PBX3: variants seen among roughly 807,000 people sequenced by gnomAD.
The protein encoded by PBX3 is PBX homeobox 3.
PBX3 carries 14 observed loss-of-function variants against 48.5 expected under a neutral mutation model. That is an observed-to-expected ratio of 0.29 (90% CI 0.19 to 0.45). PBX3 has a LOEUF of 0.45. Among genes scored for constraint, PBX3 ranks in the 20% least tolerant of loss-of-function variants. The pLI is 1.00. For synonymous variants in PBX3, 210 were observed against 200.3 expected, an observed-to-expected ratio of 1.05 and a Z score of -0.41; for missense variants, 386 against 546.7, an observed-to-expected ratio of 0.71 and a Z score of 2.93.
At position 125,912,096 on chromosome 9, in the gene PBX3, A is replaced by T. The variant is rs906133960; in HGVS notation, c.275-3590A>T. ...TAGTGCACTGTGTTGTTTGCACCTC[A>T]TTCACTCAGGTCAAGCCTTCATTGT... On this transcript the variant is annotated intron_variant, in intron 2 of 8. Coordinates refer to ENST00000373489, the MANE Select transcript of PBX3 (RefSeq NM_006195.6). Among the ~76,000 whole-genome samples, 4 of 152,284 alleles carry T rather than the reference A, an allele frequency of 2.6e-5. No homozygotes were observed. The East Asian group carries it at 7.7e-4, about 29-fold the overall frequency.
At chr9:125,921,364 TATTC>T (rs1025161857) in intron 3 of PBX3, among the ~76,000 whole-genome samples, 4 of 152,308 alleles carry the variant, frequency 2.6e-5, no homozygotes, top group South Asian at 2.1e-4. Flanking sequence ...TTTTTGTACT[TATTC>T]AGGCAATGAG....
At chr9:125,778,725 C>T (rs929597136) in intron 2 of PBX3, among the ~76,000 whole-genome samples, 6 of 149,688 alleles carry the variant, frequency 4.0e-5, no homozygotes, top group South Asian at 2.1e-4. Context: ...GCTCTTTGCC[C>T]GGTACTGGGC....
intron 2 of PBX3, among the ~76,000 whole-genome samples, chr9:125,850,032 A>G (rs1410860447): frequency 6.6e-6 from 1 of 152,050 alleles, no homozygotes; most frequent in African/African-American, 2.4e-5. Flanking sequence ...TTTTCAAGTC[A>G]TTAACTCACT....
At chr9:125,845,824 G>A (rs1462509655) in intron 2 of PBX3, among the ~76,000 whole-genome samples, 2 of 151,998 alleles carry the variant, frequency 1.3e-5, no homozygotes, top group African/African-American at 4.8e-5. Context: ...AATCTGAGTA[G>A]TAATCTGACT....
chr9:125,761,538 T>C (rs1836667315), intron 2 of PBX3, among the ~76,000 whole-genome samples: 1 of 152,100 alleles, frequency 6.6e-6, no homozygotes, highest in Non-Finnish European at 1.5e-5. Flanking sequence ...TTATGGCTTT[T>C]GTCTTGTCAT....
At chr9:125,907,897 C>A (rs1193905305) in intron 2 of PBX3, among the ~76,000 whole-genome samples, 2 of 152,052 alleles carry the variant, frequency 1.3e-5, no homozygotes, top group Admixed American at 1.3e-4. Context: ...ATTTGGTTTT[C>A]TCATCTACAA....
intron 2 of PBX3, among the ~76,000 whole-genome samples, chr9:125,824,406 T>C (rs180897396): frequency 1.3e-5 from 2 of 152,342 alleles, no homozygotes; most frequent in African/African-American, 4.8e-5. Context: ...TATTCCATGA[T>C]GCCTTATTGA....
At chr9:125,831,408 T>C (rs887062303) in intron 2 of PBX3, among the ~76,000 whole-genome samples, 1 of 151,514 alleles carries the variant, frequency 6.6e-6, no homozygotes, top group Admixed American at 6.6e-5. Context: ...TTATTCTTTC[T>C]GTATTTATTA....
At chr9:125,959,317 G>T in intron 5 of PBX3, among the ~76,000 whole-genome samples, 1 of 152,356 alleles carries the variant, frequency 6.6e-6, no homozygotes, top group East Asian at 1.9e-4. Context: ...ATGGGCTTTG[G>T]CTTGTTTCTG....
intron 3 of PBX3, among the ~76,000 whole-genome samples, chr9:125,928,383 G>A (rs1240864865): frequency 1.5e-5 from 2 of 137,188 alleles, no homozygotes; most frequent in Non-Finnish European, 3.0e-5. Flanking sequence ...TGAATATTAG[G>A]GGAAACAAAT....
chr9:125,804,446 T>G (rs541695641), intron 2 of PBX3, among the ~76,000 whole-genome samples: 1 of 152,164 alleles, frequency 6.6e-6, no homozygotes. Flanking sequence ...TATCGTAGTG[T>G]GCTGTACAAA....
chr9:125,777,963 CTT>C (rs574844395), intron 2 of PBX3, among the ~76,000 whole-genome samples: 22 of 137,808 alleles, frequency 1.6e-4, no homozygotes, highest in Non-Finnish European at 1.1e-4. Flanking sequence ...CAAATCTTCT[CTT>C]TTTTTTTTTT....
intron 2 of PBX3, among the ~76,000 whole-genome samples, chr9:125,910,586 A>G (rs1023539335): frequency 6.6e-6 from 1 of 151,836 alleles, no homozygotes; most frequent in East Asian, 1.9e-4. Flanking sequence ...TATTTAATAT[A>G]CCTGACATGA....
intron 2 of PBX3, among the ~76,000 whole-genome samples, chr9:125,757,551 G>C (rs571731480): frequency 1.3e-5 from 2 of 152,230 alleles, no homozygotes; most frequent in South Asian, 4.1e-4. Context: ...ATTAAACCTA[G>C]TAATATTGGC....
At chr9:125,948,052 A>G in intron 5 of PBX3, among the ~76,000 whole-genome samples, 1 of 152,234 alleles carries the variant, frequency 6.6e-6, no homozygotes, top group East Asian at 1.9e-4. Context: ...GCATACATAA[A>G]TAAGAATGAT....
intron 2 of PBX3, among the ~76,000 whole-genome samples, chr9:125,792,038 ACACACACGCACGCACGCACG>A (rs970782369): frequency 1.2e-4 from 14 of 116,510 alleles, no homozygotes; most frequent in African/African-American, 3.8e-4. Context: ...AATACTACAC[ACACACACGCACGCACGCACG>A]CACGCACGCA....
chr9:125,788,814 A>G (rs10986913), intron 2 of PBX3, among the ~76,000 whole-genome samples: 8,925 of 151,680 alleles, frequency 0.059, 605 homozygotes, highest in East Asian at 0.17. Context: ...GGTGGAAGTT[A>G]CAGTGAGCCC....
chr9:125,780,879 C>T (rs1212510076), intron 2 of PBX3, among the ~76,000 whole-genome samples: 24 of 144,646 alleles, frequency 1.7e-4, no homozygotes, highest in African/African-American at 4.1e-4. Context: ...ACTTCTCAGA[C>T]GGGGCGGATG....
chr9:125,829,030 A>C (rs951281414), intron 2 of PBX3, among the ~76,000 whole-genome samples: 20 of 152,210 alleles, frequency 1.3e-4, no homozygotes, highest in African/African-American at 4.8e-4. Context: ...CTGGTATTGA[A>C]AGAAGAGGGA....
Sources: allele counts gnomAD v4.1 joint callset (sites outside exome capture counted in the v4.1 genomes callset), GRCh38; gene constraint gnomAD v4.1.1; transcripts MANE v1.5; gene names NCBI Gene and HGNC (gene_info 2026-07-23, HGNC 2026-07-21).